B3GALT1: variants seen among roughly 807,000 people sequenced by gnomAD.
B3GALT1 encodes UDP-Gal:betaGlcNAc beta 1,3-galactosyltransferase, polypeptide 1.
A neutral mutation model predicts 23.2 loss-of-function variants in B3GALT1; 10 were observed. That is an observed-to-expected ratio of 0.43 (90% CI 0.27 to 0.73). The LOEUF is 0.73. Among genes scored for constraint, B3GALT1 ranks in the 30% least tolerant of loss-of-function variants. B3GALT1 has a pLI of 0.21. For synonymous variants in B3GALT1, 156 were observed against 141.5 expected (o/e 1.10, Z -0.73); for missense variants, 299 against 405.4 (o/e 0.74, Z 2.25).
chr2:167,699,498 A>G (rs918692608), intron 3 of B3GALT1, among the ~76,000 whole-genome samples: 1 of 151,144 alleles, frequency 6.6e-6, no homozygotes, highest in Non-Finnish European at 1.5e-5. Context: ...GTGAATAGAA[A>G]ATTTTTGCAA....
chr2:167,354,181 A>G (rs1213141318), intron 1 of B3GALT1, among the ~76,000 whole-genome samples: 1 of 152,216 alleles, frequency 6.6e-6, no homozygotes. Context: ...TTTCAGTTTT[A>G]TATACTTCTT....
At chr2:167,432,950 G>T (rs564571604) in intron 1 of B3GALT1, among the ~76,000 whole-genome samples, 1 of 152,214 alleles carries the variant, frequency 6.6e-6, no homozygotes, top group South Asian at 2.1e-4. Flanking sequence ...CAAATTCTGT[G>T]GTTTACATTG....
intron 2 of B3GALT1, among the ~76,000 whole-genome samples, chr2:167,634,332 C>G (rs865862987): frequency 6.6e-6 from 1 of 151,934 alleles, no homozygotes; most frequent in South Asian, 2.1e-4. Flanking sequence ...TAGCAGAAGG[C>G]AAGAAATAAC....
chr2:167,666,526 A>T (rs1348968323), intron 3 of B3GALT1, among the ~76,000 whole-genome samples: 1 of 151,356 alleles, frequency 6.6e-6, no homozygotes, highest in Non-Finnish European at 1.5e-5. Context: ...TGTCTTGTTG[A>T]TCTGTCTAAT....
chr2:167,381,608 A>G, intron 1 of B3GALT1, among the ~76,000 whole-genome samples: 1 of 152,216 alleles, frequency 6.6e-6, no homozygotes, highest in Non-Finnish European at 1.5e-5. Flanking sequence ...GATCTAAGTG[A>G]TACCTAAATG....
chr2:167,695,761 C>T (rs1004948791), intron 3 of B3GALT1, among the ~76,000 whole-genome samples: 7 of 152,120 alleles, frequency 4.6e-5, no homozygotes, highest in Admixed American at 3.3e-4. Flanking sequence ...ATAATCAACA[C>T]ATAATGATTC....
In B3GALT1 at chr2:167,786,335, G is replaced by A. The variant is rs116603758; in HGVS notation, c.-351-32337G>A. 2.8e-3 allele frequency among the ~76,000 whole-genome samples: 419 copies of A among 152,300 alleles called. 5 individuals are homozygous for A. The highest frequency in any genetic ancestry group is 0.012 in the South Asian group (59 of 4,828). On this transcript the variant is annotated intron_variant, in intron 3 of 4. Transcript: ENST00000392690. ...TGAAGGTCAAATGAAATAAATATGG[G>A]GAAGTGGTAATTAAACTATATAGCA...
At chr2:167,728,301 C>G (rs1170036089) in intron 3 of B3GALT1, among the ~76,000 whole-genome samples, 3 of 152,154 alleles carry the variant, frequency 2.0e-5, no homozygotes, top group African/African-American at 7.2e-5. Context: ...GCAGGAGAAT[C>G]ATTTGAATCT....
intron 2 of B3GALT1, among the ~76,000 whole-genome samples, chr2:167,491,170 T>C (rs891720441): frequency 1.3e-5 from 2 of 152,150 alleles, no homozygotes; most frequent in African/African-American, 2.4e-5. Flanking sequence ...GATTCTGTTG[T>C]GTTAGTAGTC....
At chr2:167,569,265 T>A (rs933378511) in intron 2 of B3GALT1, among the ~76,000 whole-genome samples, 5 of 151,924 alleles carry the variant, frequency 3.3e-5, no homozygotes, top group Non-Finnish European at 4.4e-5. Flanking sequence ...AATAAGTTGC[T>A]AGGGTTTTGA....
At chr2:167,865,521 G>A (rs1031328966) in intron 4 of B3GALT1, among the ~76,000 whole-genome samples, 17 of 152,224 alleles carry the variant, frequency 1.1e-4, no homozygotes, top group Non-Finnish European at 1.5e-5. Flanking sequence ...GCCGGGCACA[G>A]TGGCTCACGC....
At chr2:167,716,270 C>T (rs1395013272) in intron 3 of B3GALT1, among the ~76,000 whole-genome samples, 5 of 152,076 alleles carry the variant, frequency 3.3e-5, no homozygotes, top group Admixed American at 1.3e-4. Context: ...CACCCTCCCT[C>T]GGCCCCCCTG....
chr2:167,667,834 A>T (rs764198241), intron 3 of B3GALT1, among the ~76,000 whole-genome samples: 1 of 152,096 alleles, frequency 6.6e-6, no homozygotes, highest in African/African-American at 2.4e-5. Context: ...TTGGTTATTC[A>T]AGTTATAGAT....
intron 1 of B3GALT1, among the ~76,000 whole-genome samples, chr2:167,393,835 A>G (rs1008941227): frequency 2.0e-5 from 3 of 152,190 alleles, no homozygotes; most frequent in Non-Finnish European, 4.4e-5. Flanking sequence ...GCCCTTATCC[A>G]CTTGTCTGAC....
At chr2:167,852,994 A>T (rs1689933700) in intron 4 of B3GALT1, among the ~76,000 whole-genome samples, 3 of 152,330 alleles carry the variant, frequency 2.0e-5, no homozygotes, top group African/African-American at 7.2e-5. Context: ...CAGAGGTTAA[A>T]GTTTATCAAA....
In B3GALT1 at chr2:167,547,693, C is replaced by CAAAAA. The variant is rs71031296; in HGVS notation, c.-410+57432_-410+57436dup. On this transcript the variant is annotated intron_variant, in intron 2 of 4. Transcript: ENST00000392690. ...TGGGCAACAGAGCAAGACTCTGTCT[C>CAAAAA]AAAAAAAAAAAAAAAAAAAAGAAGA... 2.5e-3 allele frequency among the ~76,000 whole-genome samples: 188 copies of CAAAAA among 75,454 alleles called. 1 individual carries two copies. Among genetic ancestry groups the CAAAAA allele is most frequent in the African/African-American group, 6.0e-3 (160 of 26,746 alleles). The allele number at this position is 75,454 out of a possible 152,430, so 49.5% of individuals were successfully genotyped here.
At chr2:167,852,319 A>G (rs960661340) in intron 4 of B3GALT1, among the ~76,000 whole-genome samples, 1 of 152,180 alleles carries the variant, frequency 6.6e-6, no homozygotes. Flanking sequence ...ATGACCTACC[A>G]CAACAGCAAA....
chr2:167,503,833 A>G (rs942315455), intron 2 of B3GALT1, among the ~76,000 whole-genome samples: 6 of 152,182 alleles, frequency 3.9e-5, no homozygotes, highest in African/African-American at 1.4e-4. Context: ...CATTGCCTTC[A>G]TTGTATTAAA....
intron 1 of B3GALT1, among the ~76,000 whole-genome samples, chr2:167,452,426 T>C (rs2105320768): frequency 6.6e-6 from 1 of 152,272 alleles, no homozygotes; most frequent in African/African-American, 2.4e-5. Context: ...TTGTCTCAGC[T>C]CCAGGTAATG....
Sources: allele counts gnomAD v4.1 joint callset (sites outside exome capture counted in the v4.1 genomes callset), GRCh38; gene constraint gnomAD v4.1.1; transcripts MANE v1.5; gene names NCBI Gene and HGNC (gene_info 2026-07-23, HGNC 2026-07-21).